UBE2E2: variants seen among roughly 807,000 people sequenced by gnomAD.
UBE2E2 encodes the protein ubiquitin conjugating enzyme E2 E2, also known as ubiquitin-conjugating enzyme E2 E2.
UBE2E2 carries 6 observed loss-of-function variants against 24.7 expected under a neutral mutation model. That is an observed-to-expected ratio of 0.24 (90% CI 0.13 to 0.48). The LOEUF is 0.48. UBE2E2 is among the 20% of genes least tolerant of loss of function. The pLI is 0.99. For missense variants in UBE2E2, 169 were observed against 245.0 expected (o/e 0.69, Z 2.07); for synonymous variants, 104 against 83.6 (o/e 1.24, Z -1.33).
intron 3 of UBE2E2, among the ~76,000 whole-genome samples, chr3:23,418,198 G>A (rs186950675): frequency 1.2e-3 from 180 of 152,318 alleles, no homozygotes; most frequent in African/African-American, 4.1e-3. Context: ...AGGCACCCGA[G>A]GGAATCTCCT....
At position 23,590,632 on chromosome 3, in the gene UBE2E2, C is replaced by T. The variant is rs957104568; in HGVS notation, c.*801C>T. 2 of 152,580 alleles carry T rather than the reference C, an allele frequency of 1.3e-5. No homozygotes were observed. The highest frequency in any genetic ancestry group is 1.9e-4 in the East Asian group (1 of 5,204). 9.5% of individuals were successfully genotyped at this position (152,580 alleles called of 1,614,324 possible). A position where few individuals can be genotyped will look rare whatever the true frequency, so the allele number is the denominator to read the frequency against. On this transcript the variant is annotated 3_prime_UTR_variant, in exon 6 of 6. Transcript: ENST00000396703. ...TGTCCTGGTGACCGCTGTAGCCCTA[C>T]GTGCAGTGAGGCTTGTCTAATTCAA...
chr3:23,288,497 G>A (rs530121031), intron 3 of UBE2E2, among the ~76,000 whole-genome samples: 107 of 152,294 alleles, frequency 7.0e-4, no homozygotes, highest in African/African-American at 2.5e-3. Context: ...GATCTGTCCA[G>A]TGCTGAAACT....
In UBE2E2 at chr3:23,589,865, C is replaced by T; in HGVS notation, c.*34C>T. 1 of 1,607,178 alleles carries T rather than the reference C, an allele frequency of 6.2e-7. No homozygotes were observed. Among genetic ancestry groups the T allele is most frequent in the Non-Finnish European group, 8.5e-7 (1 of 1,174,282 alleles). On this transcript the variant is annotated 3_prime_UTR_variant, in exon 6 of 6. Transcript: ENST00000396703. This position sits in a 1 kb window ranked among gnomAD's most constrained non-coding sequence, Gnocchi z 4.1. ...TGCCTGCCGCCCCGCGGGACCTGTG[C>T]AAGCACATTCACCAAGTGCATCGGT... is the stretch of plus-strand genomic sequence containing the variant.
chr3:23,406,685 C>T (rs1351648984), intron 3 of UBE2E2, among the ~76,000 whole-genome samples: 1 of 152,036 alleles, frequency 6.6e-6, no homozygotes. Flanking sequence ...TGAGGTTATC[C>T]CTCTTAACCT....
At chr3:23,265,004 T>G (rs568054410) in intron 3 of UBE2E2, among the ~76,000 whole-genome samples, 179 of 152,252 alleles carry the variant, frequency 1.2e-3, no homozygotes, top group Non-Finnish European at 2.2e-3. Context: ...ATAGCGTCAG[T>G]AGAGTATTGC....
At chr3:23,333,998 A>C (rs1695138809) in intron 3 of UBE2E2, among the ~76,000 whole-genome samples, 2 of 152,150 alleles carry the variant, frequency 1.3e-5, no homozygotes, top group African/African-American at 4.8e-5. Flanking sequence ...TCAGTTGTTG[A>C]TGCATTTTGT....
intron 2 of UBE2E2, among the ~76,000 whole-genome samples, chr3:23,210,147 T>C (rs1159708611): frequency 1.3e-5 from 2 of 152,124 alleles, no homozygotes; most frequent in South Asian, 2.1e-4. Flanking sequence ...AGAGAAAATA[T>C]GACATTTAGG....
rs1332326694 is a variant in UBE2E2, at chr3:23,523,396, C to A, written c.361-9158C>A. 2.6e-5 allele frequency among the ~76,000 whole-genome samples: 4 copies of A among 152,150 alleles called. No homozygotes were observed. The South Asian group carries it at 8.3e-4, about 32-fold the overall frequency. On this transcript the variant is annotated intron_variant, in intron 4 of 5. Transcript: ENST00000396703. ...AAAGGAAACTGAGAAAGACTTTTTT[C>A]AATTTAAATGTCTGTGGCATAAAGG...
intron 3 of UBE2E2, among the ~76,000 whole-genome samples, chr3:23,268,939 A>G (rs1319967716): frequency 6.6e-6 from 1 of 152,162 alleles, no homozygotes; most frequent in African/African-American, 2.4e-5. Context: ...CCTGACAAAA[A>G]CAAGCAATGG....
chr3:23,337,952 C>G (rs1575570054), intron 3 of UBE2E2, among the ~76,000 whole-genome samples: 1 of 152,194 alleles, frequency 6.6e-6, no homozygotes, highest in Admixed American at 6.5e-5. Context: ...GGGAGATGAC[C>G]AAAGGCTGTG....
At chr3:23,250,977 C>T (rs191308268) in intron 3 of UBE2E2, among the ~76,000 whole-genome samples, 8 of 152,310 alleles carry the variant, frequency 5.3e-5, no homozygotes, top group Middle Eastern at 3.4e-3. Flanking sequence ...CCTGCCTCAG[C>T]CTCCCAGGTA....
chr3:23,475,993 G>A (rs1410027423), intron 3 of UBE2E2, among the ~76,000 whole-genome samples: 1 of 152,084 alleles, frequency 6.6e-6, no homozygotes, highest in Non-Finnish European at 1.5e-5. Context: ...TTGTGGATTA[G>A]TATTCAAGAT....
intron 3 of UBE2E2, among the ~76,000 whole-genome samples, chr3:23,452,645 G>GT (rs1698591183): frequency 6.6e-6 from 1 of 152,144 alleles, no homozygotes; most frequent in African/African-American, 2.4e-5. Flanking sequence ...TACCCAAATG[G>GT]TTGAGTTGCT....
chr3:23,299,446 C>G (rs1348169295), intron 3 of UBE2E2, among the ~76,000 whole-genome samples: 3 of 152,012 alleles, frequency 2.0e-5, no homozygotes, highest in Admixed American at 6.6e-5. Flanking sequence ...CCTCTACACA[C>G]TGCTTTGAAT....
At chr3:23,530,524 T>G (rs1434524956) in intron 4 of UBE2E2, among the ~76,000 whole-genome samples, 1 of 152,242 alleles carries the variant, frequency 6.6e-6, no homozygotes, top group African/African-American at 2.4e-5. Context: ...AAACATATTT[T>G]GATCTGATAA....
intron 3 of UBE2E2, among the ~76,000 whole-genome samples, chr3:23,289,104 G>A (rs912522846): frequency 6.6e-6 from 1 of 152,232 alleles, no homozygotes; most frequent in African/African-American, 2.4e-5. Flanking sequence ...CTGCAGGGAG[G>A]ACAATTGGTG....
At chr3:23,497,535 A>T (rs1479875576) in intron 3 of UBE2E2, among the ~76,000 whole-genome samples, 1 of 152,078 alleles carries the variant, frequency 6.6e-6, no homozygotes, top group African/African-American at 2.4e-5. Flanking sequence ...TTAATACTCT[A>T]TGTTTGTGTT....
At chr3:23,320,344 A>G (rs1694708657) in intron 3 of UBE2E2, among the ~76,000 whole-genome samples, 1 of 152,134 alleles carries the variant, frequency 6.6e-6, no homozygotes, top group South Asian at 2.1e-4. Context: ...ATTCTTTGCA[A>G]GTTGTAGGCT....
intron 3 of UBE2E2, among the ~76,000 whole-genome samples, chr3:23,257,822 T>G (rs1697778773): frequency 6.6e-6 from 1 of 152,132 alleles, no homozygotes; most frequent in Non-Finnish European, 1.5e-5. Context: ...TTTGCTTTAC[T>G]CTCACAATCC....
Sources: gnomAD v4.1 joint callset for allele counts (sites outside exome capture counted in the v4.1 genomes callset) on GRCh38, gnomAD v4.1.1 for gene constraint, Gnocchi (gnomAD v3.1) non-coding constraint, MANE v1.5 for transcripts, NCBI Gene and HGNC (gene_info 2026-07-23, HGNC 2026-07-21) for gene names.